The following ADGRL2 variants were observed in gnomAD, a reference collection of about 807,000 sequenced individuals.
ADGRL2 encodes the protein calcium-independent alpha-latrotoxin receptor 2.
In ADGRL2, 44 loss-of-function variants were observed where a neutral mutation model predicts 157.4. The ratio of observed to expected loss-of-function variants is 0.28; its 90% CI spans 0.22 to 0.36. The LOEUF (loss-of-function observed/expected upper bound fraction) is 0.36. Ranked by LOEUF, ADGRL2 falls within the 10% of genes least tolerant of loss-of-function variation. The pLI is 1.00. For synonymous variants in ADGRL2, 585 were observed against 624.7 expected (o/e 0.94, Z 0.95); for missense variants, 1,510 against 1,768.9 (o/e 0.85, Z 2.63).
intron 3 of ADGRL2, among the ~76,000 whole-genome samples, chr1:81,676,279 G>A (rs2082987579): frequency 6.6e-6 from 1 of 151,314 alleles, no homozygotes; most frequent in African/African-American, 2.4e-5. Flanking sequence ...AAAGTGCTGG[G>A]CTTACAGGTG....
intron 1 of ADGRL2, among the ~76,000 whole-genome samples, chr1:81,735,866 T>C (rs2084880880): frequency 6.6e-6 from 1 of 150,556 alleles, no homozygotes; most frequent in Admixed American, 6.6e-5. Context: ...AACTGACGGC[T>C]GGGCGCGGTG....
chr1:81,705,238 G>T (rs1373502769), intron 1 of ADGRL2, among the ~76,000 whole-genome samples: 2 of 151,984 alleles, frequency 1.3e-5, no homozygotes, highest in Non-Finnish European at 2.9e-5. Flanking sequence ...TTTTAGTATT[G>T]GCCAGGCTGG....
At chr1:81,919,892 A>T (rs1056828110) in intron 3 of ADGRL2, among the ~76,000 whole-genome samples, 1 of 152,182 alleles carries the variant, frequency 6.6e-6, no homozygotes, top group East Asian at 1.9e-4. Flanking sequence ...CTTGCCATTT[A>T]TTTCAACCCT....
intron 2 of ADGRL2, among the ~76,000 whole-genome samples, chr1:81,510,153 T>A (rs956967803): frequency 6.6e-6 from 1 of 152,290 alleles, no homozygotes; most frequent in African/African-American, 2.4e-5. Flanking sequence ...ATCTTGCTAA[T>A]GAACTAAATT....
Position 81,819,915 on chromosome 1 carries a change from T to C in ADGRL2, c.-100-16970T>C, listed in dbSNP as rs539003927. Reference sequence around the variant, plus strand: ...TGTGCCCTCGAAGATTTAAAAAATTTCATTGCAATTTATCTTCACTGCAGC... The same window carrying C: ...TGTGCCCTCGAAGATTTAAAAAATTCCATTGCAATTTATCTTCACTGCAGC... On this transcript the variant is annotated intron_variant, in intron 1 of 23. Coordinates refer to ENST00000686636, the MANE Select transcript of ADGRL2 (RefSeq NM_001366006.2). Among the ~76,000 whole-genome samples, 96 of 152,288 alleles carry C rather than the reference T, an allele frequency of 6.3e-4. 1 individual carries two copies. The highest frequency in any genetic ancestry group is 1.6e-3 in the Admixed American group (24 of 15,280).
chr1:81,796,741 G>A (rs2087609499), upstream of ADGRL2, among the ~76,000 whole-genome samples: 1 of 152,128 alleles, frequency 6.6e-6, no homozygotes, highest in African/African-American at 2.4e-5. Context: ...CCAAATGACA[G>A]CTATTAATAA....
intron 1 of ADGRL2, among the ~76,000 whole-genome samples, chr1:81,368,242 C>T (rs975477888): frequency 3.9e-5 from 6 of 152,158 alleles, no homozygotes; most frequent in African/African-American, 1.4e-4. Context: ...GAGATGGTAT[C>T]TCATTGTGGT....
intron 1 of ADGRL2, among the ~76,000 whole-genome samples, chr1:81,825,671 A>G (rs1025754614): frequency 2.0e-5 from 3 of 148,202 alleles, no homozygotes; most frequent in Middle Eastern, 3.4e-3. Flanking sequence ...AAAAAAAAAA[A>G]AAAAAAGACA....
chr1:81,877,793 T>A (rs2093880699), intron 2 of ADGRL2, among the ~76,000 whole-genome samples: 1 of 152,016 alleles, frequency 6.6e-6, no homozygotes, highest in South Asian at 2.1e-4. Flanking sequence ...TTATAGGTGG[T>A]TATATGGATA....
At chr1:81,885,795 G>T (rs983720056) in intron 2 of ADGRL2, among the ~76,000 whole-genome samples, 21 of 152,126 alleles carry the variant, frequency 1.4e-4, no homozygotes, top group African/African-American at 4.6e-4. Context: ...TTTAATTAAG[G>T]GTTGAGATTT....
chr1:81,664,994 C>A (rs2082726195), intron 3 of ADGRL2, among the ~76,000 whole-genome samples: 1 of 151,990 alleles, frequency 6.6e-6, no homozygotes. Context: ...TGTCCCTCCC[C>A]AAGTGGATCT....
At chr1:81,736,844 CTT>C (rs1055440765) in intron 1 of ADGRL2, among the ~76,000 whole-genome samples, 4 of 151,688 alleles carry the variant, frequency 2.6e-5, no homozygotes, top group African/African-American at 9.7e-5. Flanking sequence ...CTCCCTCACT[CTT>C]TTTTTTGAGA....
chr1:81,813,804 T>A (rs907131542), intron 1 of ADGRL2, among the ~76,000 whole-genome samples: 3 of 151,616 alleles, frequency 2.0e-5, no homozygotes, highest in Non-Finnish European at 4.4e-5. Context: ...TTCATTACCT[T>A]TTTTCCCCCT....
chr1:81,495,133 T>C (rs1263137592), intron 2 of ADGRL2, among the ~76,000 whole-genome samples: 1 of 152,142 alleles, frequency 6.6e-6, no homozygotes, highest in African/African-American at 2.4e-5. Flanking sequence ...TTCTGATTAC[T>C]TTGCCCACAG....
chr1:81,520,773 C>T (rs11163323), intron 2 of ADGRL2, among the ~76,000 whole-genome samples: 59,654 of 152,026 alleles, frequency 0.39, 16,059 homozygotes, highest in African/African-American at 0.76. Context: ...GGTAGTTCTT[C>T]AGCAAGGTGA....
chr1:81,420,704 C>T (rs1363567368), intron 1 of ADGRL2, among the ~76,000 whole-genome samples: 1 of 152,072 alleles, frequency 6.6e-6, no homozygotes, highest in Non-Finnish European at 1.5e-5. Context: ...TGTTTCTCTC[C>T]TTCAGTTGTC....
chr1:81,651,887 A>C (rs1557537928), intron 3 of ADGRL2, among the ~76,000 whole-genome samples: 1 of 150,036 alleles, frequency 6.7e-6, no homozygotes, highest in Non-Finnish European at 1.5e-5. Flanking sequence ...CACCCAACTA[A>C]TTTTTTTTTT....
intron 3 of ADGRL2, among the ~76,000 whole-genome samples, chr1:81,927,574 T>TTTG (rs2095137161): frequency 6.6e-6 from 1 of 152,000 alleles, no homozygotes; most frequent in Non-Finnish European, 1.5e-5. Flanking sequence ...TGAAACTAAC[T>TTTG]TTATTACAGT....
At chr1:81,985,053 T>A (rs1293433575) in intron 20 of ADGRL2, among the ~76,000 whole-genome samples, 2 of 152,068 alleles carry the variant, frequency 1.3e-5, no homozygotes, top group Non-Finnish European at 2.9e-5. Flanking sequence ...AACATGTTTT[T>A]AAGAGTGGAG....
Sources: allele counts gnomAD v4.1 joint callset (sites outside exome capture counted in the v4.1 genomes callset), GRCh38; gene constraint gnomAD v4.1.1; transcripts MANE v1.5; gene names NCBI Gene and HGNC (gene_info 2026-07-23, HGNC 2026-07-21).